RIC8A: variants seen among roughly 807,000 people sequenced by gnomAD.
RIC8A encodes the protein chaperone Ric-8A.
In RIC8A, 37 loss-of-function variants were observed where a neutral mutation model predicts 48.4. That is an observed-to-expected ratio of 0.77 (90% CI 0.59 to 1.01). RIC8A has a LOEUF of 1.01. Ranked by LOEUF, RIC8A falls within the 50% of genes least tolerant of loss-of-function variation. The probability of loss-of-function intolerance (pLI) is 0.00; values close to 1 mark genes in which losing one functional copy is unlikely to be tolerated. For synonymous variants in RIC8A, 288 were observed against 283.4 expected (o/e 1.02, Z -0.16); for missense variants, 681 against 696.8 (o/e 0.98, Z 0.25).
chr11:213,035 C>T (rs1855404242), intron 8 of RIC8A, 54 bp downstream of exon 8: 2 of 1,515,740 alleles, frequency 1.3e-6, no homozygotes, highest in Non-Finnish European at 1.8e-6. Flanking sequence ...ATAGTCCCTG[C>T]TTCCACACCC....
intron 8 of RIC8A, 147 bp from the exon 9 acceptor site, chr11:213,152 A>T: frequency 7.3e-7 from 1 of 1,376,992 alleles, no homozygotes; most frequent in East Asian, 2.5e-5. Context: ...GGCAGATGGC[A>T]GGAGCTGGTT....
At position 211,303 on chromosome 11, in the gene RIC8A, A is replaced by T. The variant is rs1346700883; in HGVS notation, c.923A>T (p.Asp308Val). The T allele has an allele frequency of 1.2e-6, 2 of 1,614,020 alleles. No homozygotes were observed. Among genetic ancestry groups the T allele is most frequent in the Non-Finnish European group, 1.7e-6 (2 of 1,180,020 alleles). Residue 308 changes from aspartate to valine, a missense_variant, in exon 5 of 10, where the codon GAT becomes GTT. Coordinates refer to ENST00000526104, the MANE Select transcript of RIC8A (RefSeq NM_001286134.2). This position sits in a 1 kb window ranked among gnomAD's most constrained non-coding sequence, Gnocchi z 4.0. ...DSTEFMGVNM[D>V]VIRALLIFLE... ...ACGGAGTTCATGGGAGTGAATATGG[A>T]TGTGATTCGTGCCCTCCTCATCTTC...
In RIC8A at chr11:214,821, G is replaced by T. The variant is rs1229138130; in HGVS notation, c.*471G>T. 4 of 323,350 alleles carry T rather than the reference G, an allele frequency of 1.2e-5. No individual in the cohort carries two copies. The highest frequency in any genetic ancestry group is 1.1e-3 in the Middle Eastern group (1 of 910). The allele number at this position is 323,350 out of a possible 1,614,324, so 20.0% of individuals were successfully genotyped here. A position where few individuals can be genotyped will look rare whatever the true frequency, so the allele number is the denominator to read the frequency against. ...CAGAACTTTCCATACGAGTATATCA[G>T]AACACACCCTTCCAAGGTATGTATG... On this transcript the variant is annotated 3_prime_UTR_variant, in exon 10 of 10. Coordinates refer to ENST00000526104, the MANE Select transcript of RIC8A (RefSeq NM_001286134.2).
chr11:209,230 C>T, intron 1 of RIC8A, 41 bp from the exon 2 acceptor site: 2 of 1,613,446 alleles, frequency 1.2e-6, no homozygotes, highest in Non-Finnish European at 1.7e-6. Context: ...GACGCGGATC[C>T]TACCCCTCTG....
At chr11:213,501 G>C in intron 9 of RIC8A, 83 bp downstream of exon 9, 1 of 1,529,274 alleles carries the variant, frequency 6.5e-7, no homozygotes, top group Non-Finnish European at 8.8e-7. Context: ...CCAGGAGGTA[G>C]GATCAGAGGA....
rs1564799589 is a variant in RIC8A, at chr11:211,253, C to T, written c.873C>T (p.Leu291=). 6.2e-7 allele frequency: 1 copy of T among 1,614,132 alleles called. No individual in the cohort carries two copies. The highest frequency in any genetic ancestry group is 8.5e-7 in the Non-Finnish European group (1 of 1,179,988). ...CCCTCAAGTGTCTGGATGTTCTCCT[C>T]ACCCTGGAGCCACATGGAGACTCCA... The part of the protein sequence containing the change: ...NLPLKCLDVL[L]TLEPHGDSTE... Residue 291 remains leucine (L), a synonymous_variant, in exon 5 of 10, where the codon CTC becomes CTT. Transcript: ENST00000526104. The surrounding 1 kb of genome is among the most constrained non-coding windows in gnomAD (Gnocchi z 4.0).
At chr11:210,489 G>A (rs528732588) in intron 3 of RIC8A, 82 bp from the exon 4 acceptor site, 3 of 1,243,064 alleles carry the variant, frequency 2.4e-6, no homozygotes, top group Middle Eastern at 3.7e-4. Context: ...CACAGTCCTG[G>A]AGTGCAACAG....
At chr11:210,297 T>G (rs955713533) in intron 3 of RIC8A, 2 of 691,194 alleles carry the variant, frequency 2.9e-6, no homozygotes, top group Non-Finnish European at 5.3e-6. Context: ...TGAGACAGAG[T>G]GTGACTTCAT....
In RIC8A at chr11:211,193, C is replaced by A. The variant is rs1426708197; in HGVS notation, c.819-6C>A. 1 of 1,611,432 alleles carries A rather than the reference C, an allele frequency of 6.2e-7. No homozygotes were observed. The highest frequency in any genetic ancestry group is 8.5e-7 in the Non-Finnish European group (1 of 1,178,466). On this transcript the variant is annotated splice_region_variant and splice_polypyrimidine_tract_variant and intron_variant, in intron 4 of 9. Coordinates refer to ENST00000526104, the MANE Select transcript of RIC8A (RefSeq NM_001286134.2). The surrounding 1 kb of genome is among the most constrained non-coding windows in gnomAD (Gnocchi z 4.0). ...TGTTGAAACCCCTACCTCCATCTGTCCCCAGCCACGCAGTGAACCTCCTGG... is the reference window on the plus strand; with the variant it reads ...TGTTGAAACCCCTACCTCCATCTGTACCCAGCCACGCAGTGAACCTCCTGG...
In RIC8A at chr11:214,699, G is replaced by A. The variant is rs949558325; in HGVS notation, c.*349G>A. ...AGCATATGGGAGGGCAGGGGTTTGG[G>A]TGTGGGTGCACACAAAGCAAGCACC... On this transcript the variant is annotated 3_prime_UTR_variant, in exon 10 of 10. Transcript: ENST00000526104. 3.7e-5 allele frequency: 14 copies of A among 382,832 alleles called. No homozygotes were observed. The highest frequency in any genetic ancestry group is 3.7e-5 in the Admixed American group (1 of 27,106). The allele number at this position is 382,832 out of a possible 1,614,324, so 23.7% of individuals were successfully genotyped here. A position where few individuals can be genotyped will look rare whatever the true frequency, so the allele number is the denominator to read the frequency against.
At position 212,843 on chromosome 11, in the gene RIC8A, G is replaced by T; in HGVS notation, c.1217G>T (p.Arg406Leu). The T allele has an allele frequency of 6.2e-7, 1 of 1,604,964 alleles. No individual in the cohort carries two copies. Among genetic ancestry groups the T allele is most frequent in the South Asian group, 1.1e-5 (1 of 89,422 alleles). Residue 406 changes from arginine to leucine, a missense_variant, in exon 8 of 10, where the codon CGA (arginine) becomes CTA (leucine). Transcript: ENST00000526104. The part of the protein sequence containing the change: ...LFVLCSESVP[R>L]FIKYTGYGNA... Reference sequence around the variant, plus strand: ...CCTCTGCCTTGCCCCTCAGTGCCCCGATTCATCAAGTACACAGGCTATGGG... The same window carrying T: ...CCTCTGCCTTGCCCCTCAGTGCCCCTATTCATCAAGTACACAGGCTATGGG...
rs1265050136 is a variant in RIC8A at position 211,582 on chromosome 11, A to G, written c.969+233A>G. ...CACACTTGAAGGTTTCACTTCTTAA[A>G]TCTTTGGGGATCTTTACTGAGTGGT... is the stretch of plus-strand genomic sequence containing the variant. On this transcript the variant is annotated intron_variant, in intron 5 of 9. Coordinates refer to ENST00000526104, the MANE Select transcript of RIC8A (RefSeq NM_001286134.2). The surrounding 1 kb of genome is among the most constrained non-coding windows in gnomAD (Gnocchi z 4.0). The G allele has an allele frequency of 4.4e-6, 2 of 457,260 alleles. No individual in the cohort carries two copies. Among genetic ancestry groups the G allele is most frequent in the Admixed American group, 7.8e-5 (2 of 25,708 alleles). The allele number at this position is 457,260 out of a possible 1,614,324, so 28.3% of individuals were successfully genotyped here.
In RIC8A at chr11:208,686, C is replaced by G; in HGVS notation, c.-169C>G. On this transcript the variant is annotated 5_prime_UTR_variant, in exon 1 of 10. Coordinates refer to ENST00000526104, the MANE Select transcript of RIC8A (RefSeq NM_001286134.2). The surrounding 1 kb of genome is among the most constrained non-coding windows in gnomAD (Gnocchi z 4.8). ...CGCCAGTTCTGCCTCAGGCCGCGCC[C>G]CCTTAAAGCGCCACCAGACGCTGCG... 1 of 524,232 alleles carries G rather than the reference C, an allele frequency of 1.9e-6. No individual in the cohort carries two copies. The allele number at this position is 524,232 out of a possible 1,614,324, so 32.5% of individuals were successfully genotyped here. A position where few individuals can be genotyped will look rare whatever the true frequency, so the allele number is the denominator to read the frequency against.
rs774156135 is a variant in RIC8A, at chr11:212,540, G to A, written c.1065+29G>A. 1.9e-6 allele frequency: 3 copies of A among 1,612,852 alleles called. No homozygotes were observed. The South Asian group carries it at 3.3e-5, about 18-fold the overall frequency. On this transcript the variant is annotated intron_variant, in intron 6 of 9. Coordinates refer to ENST00000526104, the MANE Select transcript of RIC8A (RefSeq NM_001286134.2). ...TAAGGCTGAGGAGCTGGTGCTCCTG[G>A]GGGATGTGGTTTCGGCCCTGATCAC... is the stretch of plus-strand genomic sequence containing the variant.
rs1351580803 is a variant in RIC8A, at chr11:209,553, C to G, written c.279C>G (p.Ala93=). Residue 93 remains alanine (A), a synonymous_variant, in exon 3 of 10, where the codon GCC becomes GCG. Transcript: ENST00000526104. ...GCCGCCAGAGCCTGCAGGCACTAGC[C>G]TGCTATGCTGACATCTCTGTCTCTG... is the stretch of plus-strand genomic sequence containing the variant. ...FTSRQSLQAL[A]CYADISVSEG... is the part of the protein sequence containing the mutation. The G allele has an allele frequency of 9.9e-6, 16 of 1,614,018 alleles. No homozygotes were observed. The highest frequency in any genetic ancestry group is 1.4e-5 in the Non-Finnish European group (16 of 1,180,060).
Position 213,401 on chromosome 11 carries a change from G to C in RIC8A, c.1458G>C (p.Met486Ile). 3.1e-6 allele frequency: 5 copies of C among 1,594,380 alleles called. No individual in the cohort carries two copies. Among genetic ancestry groups the C allele is most frequent in the Non-Finnish European group, 4.3e-6 (5 of 1,169,854 alleles). Residue 486 changes from methionine (M) to isoleucine (I), a missense_variant, in exon 9 of 10, where the codon ATG (methionine) becomes ATC (isoleucine). Met to Ile is a conservative substitution (Grantham distance 10). Transcript: ENST00000526104. ...KEHEAMKLVTMFDKLSRNRVI... is the reference protein window; with the variant it reads ...KEHEAMKLVTIFDKLSRNRVI... ...ACGAGGCCATGAAGCTGGTGACCAT[G>C]TTTGACAAGCTCTCCAGGTGTGTGG... is the stretch of plus-strand genomic sequence containing the variant.
rs1285518243 is a variant in RIC8A, at chr11:211,143, T to C, written c.819-56T>C. On this transcript the variant is annotated intron_variant, in intron 4 of 9. Coordinates refer to ENST00000526104, the MANE Select transcript of RIC8A (RefSeq NM_001286134.2). This position sits in a 1 kb window ranked among gnomAD's most constrained non-coding sequence, Gnocchi z 4.0. ...TGTGGTTCAGCGGAGTCACAAAGAT[T>C]GCACCTGTGCTCAGGGATTAGCCCT... 6 of 1,553,790 alleles carry C rather than the reference T, an allele frequency of 3.9e-6. No individual in the cohort carries two copies. In the Middle Eastern group the frequency reaches 5.2e-4, roughly 134 times the overall value.
In RIC8A at chr11:209,908, C is replaced by A. The variant is rs202016084; in HGVS notation, c.634C>A (p.Leu212Ile). The A allele has an allele frequency of 1.5e-5, 24 of 1,608,610 alleles. No homozygotes were observed. In the East Asian group the frequency reaches 5.3e-4, roughly 36 times the overall value. Residue 212 changes from leucine to isoleucine, a missense_variant, in exon 3 of 10, where the codon CTC becomes ATC. Transcript: ENST00000526104. ...TCCTGAAGGGAACCCCCCACCCACGCTCCTTCCTTCCCAAGAGACTGAGCG... is the reference window on the plus strand; with the variant it reads ...TCCTGAAGGGAACCCCCCACCCACGATCCTTCCTTCCCAAGAGACTGAGCG... Reference protein sequence around the residue: ...VTPEGNPPPTLLPSQETERAM... With the variant: ...VTPEGNPPPTILPSQETERAM...
At chr11:212,191 C>T in intron 5 of RIC8A, 1 of 561,946 alleles carries the variant, frequency 1.8e-6, no homozygotes. Context: ...CTTACGAGTA[C>T]CTCTGAGTTA....
Sources: allele counts gnomAD v4.1 joint callset, GRCh38; gene constraint gnomAD v4.1.1; non-coding constraint Gnocchi (gnomAD v3.1); transcripts MANE v1.5; gene names NCBI Gene and HGNC (gene_info 2026-07-23, HGNC 2026-07-21).